Variants in CLSTN2 observed in about 807,000 individuals in gnomAD.
The protein encoded by CLSTN2 is calsyntenin 2.
Under a neutral mutation model 101.2 loss-of-function variants are expected in CLSTN2, and 48 were observed. That is an observed-to-expected ratio of 0.47 (90% confidence interval 0.38 to 0.60). CLSTN2 has a LOEUF of 0.60. Among genes scored for constraint, CLSTN2 ranks in the 20% least tolerant of loss-of-function variants. The pLI is 0.00. For synonymous variants in CLSTN2, 481 were observed against 463.6 expected, an observed-to-expected ratio of 1.04 and a Z score of -0.48; for missense variants, 1,160 against 1,238.2, an observed-to-expected ratio of 0.94 and a Z score of 0.95.
chr3:140,476,674 TC>T (rs58532295), intron 8 of CLSTN2, among the ~76,000 whole-genome samples: 34,544 of 110,844 alleles, frequency 0.31, 5,086 homozygotes, highest in African/African-American at 0.46. Context: ...TTTTTTTTTT[TC>T]CTGATATGGA....
chr3:140,326,190 A>C (rs1218096218), intron 2 of CLSTN2, among the ~76,000 whole-genome samples: 1 of 152,170 alleles, frequency 6.6e-6, no homozygotes, highest in Non-Finnish European at 1.5e-5. Flanking sequence ...AGCCTTGAAT[A>C]CTTCCCAGTT....
chr3:139,945,995 T>G (rs2107808374), intron 1 of CLSTN2, among the ~76,000 whole-genome samples: 1 of 152,336 alleles, frequency 6.6e-6, no homozygotes, highest in African/African-American at 2.4e-5. Context: ...TTAGTGACAC[T>G]TCCATTTATA....
At chr3:140,016,400 C>T (rs1174305277) in intron 1 of CLSTN2, among the ~76,000 whole-genome samples, 2 of 152,108 alleles carry the variant, frequency 1.3e-5, no homozygotes, top group Admixed American at 6.5e-5. Flanking sequence ...GAATAGAATA[C>T]GAATTGACCC....
chr3:140,536,537 G>A (rs1321366358), intron 9 of CLSTN2, among the ~76,000 whole-genome samples: 1 of 152,042 alleles, frequency 6.6e-6, no homozygotes, highest in Non-Finnish European at 1.5e-5. Context: ...GTTCACTGAT[G>A]GTCAGAAAGG....
chr3:140,332,298 C>A (rs376580704), intron 2 of CLSTN2, among the ~76,000 whole-genome samples: 6 of 152,054 alleles, frequency 3.9e-5, no homozygotes, highest in South Asian at 2.1e-4. Flanking sequence ...AATGTTCTTG[C>A]GTTATCAAAC....
chr3:140,323,523 G>A (rs191022561), intron 2 of CLSTN2, among the ~76,000 whole-genome samples: 49 of 152,252 alleles, frequency 3.2e-4, no homozygotes, highest in Admixed American at 2.4e-3. Flanking sequence ...TCTGTAATCC[G>A]CAAGGCTTTA....
At chr3:140,145,562 A>G (rs1378756908) in intron 1 of CLSTN2, among the ~76,000 whole-genome samples, 2 of 152,258 alleles carry the variant, frequency 1.3e-5, no homozygotes, top group African/African-American at 2.4e-5. Context: ...TCTCTTGACC[A>G]TCTCGGCAGA....
chr3:140,187,593 G>T (rs190612550), intron 2 of CLSTN2, among the ~76,000 whole-genome samples: 1 of 152,106 alleles, frequency 6.6e-6, no homozygotes, highest in Non-Finnish European at 1.5e-5. Context: ...TCAAATACAG[G>T]CCTGAGCTGT....
At chr3:140,059,072 C>T (rs1026329113) in intron 1 of CLSTN2, among the ~76,000 whole-genome samples, 4 of 152,232 alleles carry the variant, frequency 2.6e-5, no homozygotes, top group Non-Finnish European at 5.9e-5. Context: ...TGGGCTCTGT[C>T]ATCAGATTCC....
rs375459786 is a variant in CLSTN2 at position 140,403,588 on chromosome 3, A to G, written c.233-41A>G. The G allele has an allele frequency of 6.6e-6, 10 of 1,519,358 alleles. No individual in the cohort carries two copies. In the East Asian group the frequency reaches 1.1e-4, roughly 17 times the overall value. The allele number at this position is 1,519,358 out of a possible 1,614,324, so 94.1% of individuals were successfully genotyped here. ...TGGAAGCACTGTCTTCAGTCTGGCA[A>G]TTCTCAGGATTCCCACTCACTGTTT... On this transcript the variant is annotated intron_variant, in intron 2 of 16. Coordinates refer to ENST00000458420, the MANE Select transcript of CLSTN2 (RefSeq NM_022131.3).
chr3:140,112,499 C>T (rs968554162), intron 1 of CLSTN2, among the ~76,000 whole-genome samples: 1 of 152,150 alleles, frequency 6.6e-6, no homozygotes, highest in Admixed American at 6.5e-5. Flanking sequence ...AATCTCAGCA[C>T]GTGGTGCAGA....
chr3:140,101,730 C>T (rs1242784808), intron 1 of CLSTN2, among the ~76,000 whole-genome samples: 1 of 152,160 alleles, frequency 6.6e-6, no homozygotes, highest in Non-Finnish European at 1.5e-5. Flanking sequence ...AGGCATGGTT[C>T]AGAGCTTCAG....
At chr3:140,510,103 G>A (rs1188201213) in intron 8 of CLSTN2, among the ~76,000 whole-genome samples, 2 of 152,160 alleles carry the variant, frequency 1.3e-5, no homozygotes, top group African/African-American at 2.4e-5. Context: ...AAAGTGTTAA[G>A]TATCTCATGT....
chr3:140,302,119 C>T (rs2107910400), intron 2 of CLSTN2, among the ~76,000 whole-genome samples: 1 of 152,280 alleles, frequency 6.6e-6, no homozygotes, highest in East Asian at 1.9e-4. Context: ...AGACCCGTGT[C>T]TTAATATTTG....
chr3:140,081,341 T>A lies in CLSTN2; in HGVS notation c.110-94610T>A, dbSNP rs371951988. On this transcript the variant is annotated intron_variant, in intron 1 of 16. Transcript: ENST00000458420. ...TAATTTCTTCTTTTGTATTGAAAGATTAATTTTCTTCGTGCCAAGGTTGAT... is the reference window on the plus strand; with the variant it reads ...TAATTTCTTCTTTTGTATTGAAAGAATAATTTTCTTCGTGCCAAGGTTGAT... Among the ~76,000 whole-genome samples the A allele has an allele frequency of 1.6e-4, 25 of 152,328 alleles. 1 individual carries two copies. The highest frequency in any genetic ancestry group is 6.0e-4 in the African/African-American group (25 of 41,576).
intron 4 of CLSTN2, among the ~76,000 whole-genome samples, chr3:140,406,702 G>C (rs1432209735): frequency 1.3e-5 from 2 of 152,150 alleles, no homozygotes; most frequent in Non-Finnish European, 2.9e-5. Context: ...CTTTTTCTGT[G>C]TAATCAGTTG....
intron 2 of CLSTN2, among the ~76,000 whole-genome samples, chr3:140,189,452 A>G (rs2010529414): frequency 6.6e-6 from 1 of 152,064 alleles, no homozygotes; most frequent in East Asian, 1.9e-4. Flanking sequence ...TTAGGTGTGT[A>G]TGTATTATCT....
At chr3:140,291,170 T>G (rs930154681) in intron 2 of CLSTN2, among the ~76,000 whole-genome samples, 1 of 152,134 alleles carries the variant, frequency 6.6e-6, no homozygotes, top group African/African-American at 2.4e-5. Context: ...CATGGATCCA[T>G]GAATTCATGT....
intron 1 of CLSTN2, among the ~76,000 whole-genome samples, chr3:140,144,126 G>A (rs2009746268): frequency 6.6e-6 from 1 of 152,152 alleles, no homozygotes. Flanking sequence ...TGAAGATTAG[G>A]GAATTGGATG....
Sources: allele counts gnomAD v4.1 joint callset (sites outside exome capture counted in the v4.1 genomes callset), GRCh38; gene constraint gnomAD v4.1.1; transcripts MANE v1.5; gene names NCBI Gene and HGNC (gene_info 2026-07-23, HGNC 2026-07-21).